The following ADAMTSL1 variants were observed in gnomAD, a reference collection of about 807,000 sequenced individuals.
ADAMTSL1 encodes the protein ADAMTS-like protein 1.
In ADAMTSL1, 126 loss-of-function variants were observed where a neutral mutation model predicts 201.8. That is an observed-to-expected ratio of 0.62 (90% CI 0.54 to 0.72). The LOEUF is 0.72. ADAMTSL1 is among the 30% of genes least tolerant of loss of function. The pLI is 0.00. For synonymous variants in ADAMTSL1, 1,121 were observed against 903.4 expected (o/e 1.24, Z -4.32); for missense variants, 2,679 against 2,277.8 (o/e 1.18, Z -3.59).
Position 17,959,599 on chromosome 9 carries a change from C to T in ADAMTSL1, c.87+52677C>T, listed in dbSNP as rs534431287. ...TCAGCCTCCCAAGTAGCTGGAATTA[C>T]AGGCGCCTGCCACCATGCCTGGCTA... On this transcript the variant is annotated intron_variant, in intron 1 of 29. Transcript: ENST00000680146. Among the ~76,000 whole-genome samples, 11 of 152,190 alleles carry T rather than the reference C, an allele frequency of 7.2e-5. No individual in the cohort carries two copies. The South Asian group carries it at 1.9e-3, about 26-fold the overall frequency.
At chr9:18,264,916 CT>C (rs1832062366) in intron 2 of ADAMTSL1, among the ~76,000 whole-genome samples, 1 of 152,158 alleles carries the variant, frequency 6.6e-6, no homozygotes, top group Non-Finnish European at 1.5e-5. Context: ...CTTCATTTCT[CT>C]GTTACATACA....
chr9:18,417,744 A>C (rs537456917), intron 2 of ADAMTSL1, among the ~76,000 whole-genome samples: 29 of 152,274 alleles, frequency 1.9e-4, no homozygotes, highest in Admixed American at 1.5e-3. Flanking sequence ...AGTTTTGTCA[A>C]AAAAGGAACC....
At chr9:18,892,353 C>G in intron 25 of ADAMTSL1, 36 bp from the exon 26 acceptor site, 1 of 1,591,058 alleles carries the variant, frequency 6.3e-7, no homozygotes, top group Non-Finnish European at 8.6e-7. Context: ...GGGCCTGTCC[C>G]TTTAGGGCTC....
intron 5 of ADAMTSL1, among the ~76,000 whole-genome samples, chr9:18,635,518 C>A (rs902022525): frequency 3.3e-5 from 5 of 152,142 alleles, no homozygotes; most frequent in Non-Finnish European, 5.9e-5. Flanking sequence ...TCTTCCACTT[C>A]TCTTACCTGT....
intron 1 of ADAMTSL1, among the ~76,000 whole-genome samples, chr9:17,960,285 T>A (rs1588480314): frequency 6.6e-6 from 1 of 152,172 alleles, no homozygotes; most frequent in African/African-American, 2.4e-5. Flanking sequence ...TCTGCTTGCA[T>A]CTTATTGAGC....
At chr9:18,078,980 G>C (rs1408984824) in intron 1 of ADAMTSL1, among the ~76,000 whole-genome samples, 1 of 152,172 alleles carries the variant, frequency 6.6e-6, no homozygotes, top group Admixed American at 6.5e-5. Context: ...TTATCAGCCT[G>C]TCTATCTCAA....
chr9:18,843,334 CT>C (rs1266039145), intron 23 of ADAMTSL1, among the ~76,000 whole-genome samples: 7 of 150,942 alleles, frequency 4.6e-5, no homozygotes, highest in African/African-American at 1.7e-4. Context: ...GTTGAAAATT[CT>C]TTTCTTTAAG....
At chr9:18,771,179 C>T (rs1315784899) in intron 17 of ADAMTSL1, among the ~76,000 whole-genome samples, 1 of 152,160 alleles carries the variant, frequency 6.6e-6, no homozygotes, top group East Asian at 1.9e-4. Context: ...AAGGGCAAAG[C>T]CTCTCTAGCA....
At chr9:18,779,402 T>C (rs1821251900) in intron 19 of ADAMTSL1, among the ~76,000 whole-genome samples, 2 of 152,234 alleles carry the variant, frequency 1.3e-5, no homozygotes, top group South Asian at 2.1e-4. Flanking sequence ...TCCAACTGTA[T>C]GCCAGACATA....
intron 2 of ADAMTSL1, among the ~76,000 whole-genome samples, chr9:18,184,016 C>T (rs577251972): frequency 1.8e-4 from 28 of 152,190 alleles, no homozygotes; most frequent in Non-Finnish European, 3.2e-4. Context: ...ACCCTGTTGT[C>T]TTATTTCCCA....
intron 15 of ADAMTSL1, among the ~76,000 whole-genome samples, chr9:18,740,522 G>C (rs1203912450): frequency 7.0e-6 from 1 of 142,138 alleles, no homozygotes; most frequent in African/African-American, 2.7e-5. Context: ...TGTCACCCAG[G>C]CTACAGTGCA....
intron 26 of ADAMTSL1, among the ~76,000 whole-genome samples, chr9:18,899,576 C>T (rs139787432): frequency 3.9e-4 from 59 of 152,110 alleles, no homozygotes; most frequent in Non-Finnish European, 5.7e-4. Context: ...AGGAGGGTAC[C>T]GGTATAAGAA....
intron 4 of ADAMTSL1, among the ~76,000 whole-genome samples, chr9:18,598,726 A>G (rs1180280350): frequency 6.6e-6 from 1 of 152,168 alleles, no homozygotes; most frequent in Admixed American, 6.6e-5. Context: ...GCACCTGCAC[A>G]CCATAGTGAT....
chr9:18,053,880 A>G (rs1277232132), intron 1 of ADAMTSL1, among the ~76,000 whole-genome samples: 1 of 152,166 alleles, frequency 6.6e-6, no homozygotes, highest in Admixed American at 6.5e-5. Flanking sequence ...TTTGAAGTAA[A>G]GGTGTTGTTT....
At chr9:18,895,976 C>G (rs922240967) in intron 26 of ADAMTSL1, among the ~76,000 whole-genome samples, 2 of 152,142 alleles carry the variant, frequency 1.3e-5, no homozygotes, top group African/African-American at 2.4e-5. Flanking sequence ...GAAAATTTTA[C>G]TGGCGGGATT....
At chr9:18,022,896 G>A (rs1820536943) in intron 1 of ADAMTSL1, among the ~76,000 whole-genome samples, 1 of 151,990 alleles carries the variant, frequency 6.6e-6, no homozygotes, top group Admixed American at 6.6e-5. Flanking sequence ...TGTTGCCTAG[G>A]TAAGAAGTGA....
chr9:18,024,384 A>AAT (rs1204330886), intron 1 of ADAMTSL1, among the ~76,000 whole-genome samples: 1 of 151,970 alleles, frequency 6.6e-6, no homozygotes, highest in Non-Finnish European at 1.5e-5. Context: ...CACAGTAACC[A>AAT]ATAGGTAGCT....
At chr9:18,574,389 G>A in intron 4 of ADAMTSL1, 123 bp downstream of exon 4, 1 of 915,646 alleles carries the variant, frequency 1.1e-6, no homozygotes, top group Non-Finnish European at 1.8e-6. Context: ...TGTAAATGGT[G>A]AAAGATTTGA....
intron 2 of ADAMTSL1, among the ~76,000 whole-genome samples, chr9:18,417,951 C>A (rs972371170): frequency 6.6e-6 from 1 of 152,060 alleles, no homozygotes; most frequent in Non-Finnish European, 1.5e-5. Context: ...AAATTCTCAA[C>A]AAAATATTAC....
Sources: gnomAD v4.1 joint callset for allele counts (sites outside exome capture counted in the v4.1 genomes callset) on GRCh38, gnomAD v4.1.1 for gene constraint, MANE v1.5 for transcripts, NCBI Gene and HGNC (gene_info 2026-07-23, HGNC 2026-07-21) for gene names.